The following AKAP6 variants were observed in gnomAD, a reference collection of about 807,000 sequenced individuals.
AKAP6 encodes A-kinase anchoring protein 6.
Under a neutral mutation model 188.5 loss-of-function variants are expected in AKAP6, and 58 were observed. The ratio of observed to expected loss-of-function variants is 0.31; its 90% CI spans 0.25 to 0.38. The LOEUF is 0.38. AKAP6 is among the 10% of genes least tolerant of loss of function. AKAP6 has a pLI of 1.00. For missense variants in AKAP6, 2,710 were observed against 2,740.0 expected (o/e 0.99, Z 0.24); for synonymous variants, 989 against 998.6 (o/e 0.99, Z 0.18).
chr14:32,616,662 C>G (rs1333219786), intron 7 of AKAP6, among the ~76,000 whole-genome samples: 2 of 152,098 alleles, frequency 1.3e-5, no homozygotes, highest in Non-Finnish European at 2.9e-5. Context: ...GGTTTAGCAT[C>G]TGGATGACAA....
intron 1 of AKAP6, among the ~76,000 whole-genome samples, chr14:32,419,020 A>G (rs886672160): frequency 3.9e-5 from 6 of 152,194 alleles, no homozygotes; most frequent in African/African-American, 1.4e-4. Context: ...AGCAATTCAT[A>G]CTTTATCAAG....
intron 5 of AKAP6, among the ~76,000 whole-genome samples, chr14:32,595,871 C>T (rs1885677955): frequency 6.6e-6 from 1 of 152,124 alleles, no homozygotes. Context: ...CTCCTTTACA[C>T]AATAGAATAT....
chr14:32,386,011 C>G (rs924503832), intron 1 of AKAP6, among the ~76,000 whole-genome samples: 1 of 149,846 alleles, frequency 6.7e-6, no homozygotes, highest in African/African-American at 2.4e-5. Flanking sequence ...GTATCTATAT[C>G]TATATCTATC....
chr14:32,454,614 C>A (rs1891056280), intron 2 of AKAP6, among the ~76,000 whole-genome samples: 1 of 147,760 alleles, frequency 6.8e-6, no homozygotes, highest in African/African-American at 2.6e-5. Flanking sequence ...ACAGTGAAAA[C>A]TTGACCTTCC....
chr14:32,818,839 C>G (rs2065006899), intron 12 of AKAP6, among the ~76,000 whole-genome samples: 1 of 152,138 alleles, frequency 6.6e-6, no homozygotes, highest in African/African-American at 2.4e-5. Context: ...TGTGGAAAAT[C>G]TGTGCTGCTA....
intron 2 of AKAP6, among the ~76,000 whole-genome samples, chr14:32,522,794 G>C (rs566483081): frequency 6.6e-6 from 1 of 152,186 alleles, no homozygotes; most frequent in Admixed American, 6.5e-5. Context: ...ATTCCTCGGG[G>C]ATCTAGAACT....
chr14:32,480,029 G>A (rs776839528), intron 2 of AKAP6, among the ~76,000 whole-genome samples: 2 of 152,200 alleles, frequency 1.3e-5, no homozygotes, highest in Non-Finnish European at 2.9e-5. Flanking sequence ...TTTCCTGGGT[G>A]CCTTGAGTTG....
intron 2 of AKAP6, among the ~76,000 whole-genome samples, chr14:32,490,344 C>T (rs1444889779): frequency 6.6e-6 from 1 of 152,122 alleles, no homozygotes; most frequent in Non-Finnish European, 1.5e-5. Context: ...GTGAATGTTG[C>T]CTTTTTATAA....
At chr14:32,787,448 A>G (rs947797775) in intron 12 of AKAP6, among the ~76,000 whole-genome samples, 1 of 152,242 alleles carries the variant, frequency 6.6e-6, no homozygotes, top group Non-Finnish European at 1.5e-5. Flanking sequence ...GTATCTGAAC[A>G]CAGTGACACG....
chr14:32,464,764 A>C (rs1360877753), intron 2 of AKAP6, among the ~76,000 whole-genome samples: 3 of 152,198 alleles, frequency 2.0e-5, no homozygotes, highest in Admixed American at 6.5e-5. Context: ...GGCAAGAGAA[A>C]GAAATAAAGG....
rs141344509 is a variant in AKAP6 at position 32,546,243 on chromosome 14, A to G, written c.1590A>G (p.Pro530=). ...QAKNTKSSAV[P]NGELSYTSKA... is the part of the protein sequence containing the mutation. ...AAAATACAAAGAGCTCAGCAGTGCC[A>G]AATGGAGAGCTTTCTTATACTTCCA... The change falls in exon 4 of 14, where the codon CCA becomes CCG. Residue 530 remains proline (P), a synonymous_variant. Transcript: ENST00000280979. 272 of 1,614,200 alleles carry G rather than the reference A, an allele frequency of 1.7e-4. 1 individual carries two copies. In the African/African-American group the frequency reaches 3.2e-3, roughly 19 times the overall value.
chr14:32,459,453 G>A (rs1014238541), intron 2 of AKAP6, among the ~76,000 whole-genome samples: 1 of 151,902 alleles, frequency 6.6e-6, no homozygotes, highest in Non-Finnish European at 1.5e-5. Flanking sequence ...ATTGCTAAGA[G>A]TATTCAACAC....
chr14:32,740,860 C>A (rs2031639408), intron 11 of AKAP6, among the ~76,000 whole-genome samples: 1 of 151,846 alleles, frequency 6.6e-6, no homozygotes, highest in Admixed American at 6.6e-5. Flanking sequence ...TTTTGTGGTT[C>A]CATATACATT....
At chr14:32,747,712 A>G (rs2031969627) in intron 11 of AKAP6, among the ~76,000 whole-genome samples, 1 of 152,212 alleles carries the variant, frequency 6.6e-6, no homozygotes, top group South Asian at 2.1e-4. Context: ...TATTATTCAC[A>G]CTACTGTCTG....
intron 2 of AKAP6, among the ~76,000 whole-genome samples, chr14:32,467,482 A>T (rs981762039): frequency 6.6e-6 from 1 of 152,170 alleles, no homozygotes; most frequent in Non-Finnish European, 1.5e-5. Flanking sequence ...ACTACCATTT[A>T]TATAAAGATT....
chr14:32,672,152 A>G (rs1889226122), intron 7 of AKAP6, among the ~76,000 whole-genome samples: 1 of 152,200 alleles, frequency 6.6e-6, no homozygotes, highest in African/African-American at 2.4e-5. Flanking sequence ...AGCAAACTGC[A>G]TTTTGTGTCC....
chr14:32,663,334 C>T (rs1335471925), intron 7 of AKAP6, among the ~76,000 whole-genome samples: 1 of 152,036 alleles, frequency 6.6e-6, no homozygotes, highest in Non-Finnish European at 1.5e-5. Context: ...CCATATCAGA[C>T]CCCCTGCTTG....
At chr14:32,761,767 T>C (rs2032548302) in intron 11 of AKAP6, among the ~76,000 whole-genome samples, 1 of 152,132 alleles carries the variant, frequency 6.6e-6, no homozygotes, top group Non-Finnish European at 1.5e-5. Context: ...TATGGCACCG[T>C]ACCCTCTCAT....
chr14:32,468,478 T>C (rs1878585060), intron 2 of AKAP6, among the ~76,000 whole-genome samples: 1 of 152,156 alleles, frequency 6.6e-6, no homozygotes, highest in Non-Finnish European at 1.5e-5. Flanking sequence ...TGGGAGCTTC[T>C]TGAGGGCAGG....
Sources: gnomAD v4.1 joint callset for allele counts (sites outside exome capture counted in the v4.1 genomes callset) on GRCh38, gnomAD v4.1.1 for gene constraint, MANE v1.5 for transcripts, NCBI Gene and HGNC (gene_info 2026-07-23, HGNC 2026-07-21) for gene names.